Variants in CDH13 observed in about 807,000 individuals in gnomAD.
CDH13 encodes cadherin-13.
In CDH13, 24 loss-of-function variants were observed where a neutral mutation model predicts 63.8. The observed-to-expected ratio is 0.38, with a 90% CI of 0.27 to 0.53. The LOEUF (loss-of-function observed/expected upper bound fraction) is 0.53. Ranked by LOEUF, CDH13 falls within the 20% of genes least tolerant of loss-of-function variation. The pLI is 0.85. For missense variants in CDH13, 1,049 were observed against 903.1 expected (o/e 1.16, Z -2.07); for synonymous variants, 503 against 355.3 (o/e 1.42, Z -4.67).
At chr16:83,295,597 A>G (rs1424354661) in intron 5 of CDH13, among the ~76,000 whole-genome samples, 1 of 143,660 alleles carries the variant, frequency 7.0e-6, no homozygotes, top group Non-Finnish European at 1.6e-5. Context: ...CACTAATAAT[A>G]GAAATGCAAA....
At chr16:82,708,128 A>C (rs1229579285) in intron 1 of CDH13, among the ~76,000 whole-genome samples, 1 of 152,138 alleles carries the variant, frequency 6.6e-6, no homozygotes, top group African/African-American at 2.4e-5. Context: ...CATGGAGGCA[A>C]ACATCTGTCT....
chr16:83,714,121 C>G (rs1409344773), intron 10 of CDH13, among the ~76,000 whole-genome samples: 1 of 152,146 alleles, frequency 6.6e-6, no homozygotes, highest in Non-Finnish European at 1.5e-5. Context: ...ATCAGGTGGT[C>G]TTACAGGAAG....
chr16:83,200,093 A>T (rs367835197), intron 4 of CDH13, among the ~76,000 whole-genome samples: 2 of 152,126 alleles, frequency 1.3e-5, no homozygotes. Flanking sequence ...CACGGTGCTG[A>T]TACGCTTGTT....
At chr16:83,607,371 G>C (rs1164834036) in intron 8 of CDH13, among the ~76,000 whole-genome samples, 1 of 151,888 alleles carries the variant, frequency 6.6e-6, no homozygotes, top group Non-Finnish European at 1.5e-5. Context: ...AGTGAGCTGA[G>C]ATCACACCAG....
At chr16:83,041,969 C>T (rs1031370213) in intron 3 of CDH13, among the ~76,000 whole-genome samples, 3 of 152,142 alleles carry the variant, frequency 2.0e-5, no homozygotes, top group Non-Finnish European at 2.9e-5. Context: ...CATTTTTCCC[C>T]TCTTTCCTGA....
At chr16:83,648,919 C>G (rs2042374) in intron 8 of CDH13, among the ~76,000 whole-genome samples, 13,278 of 152,196 alleles carry the variant, frequency 0.087, 722 homozygotes, top group East Asian at 0.23. Context: ...TTTCTGCACT[C>G]TATCCCCAGC....
chr16:83,215,991 C>T (rs1280787733), intron 4 of CDH13, among the ~76,000 whole-genome samples: 1 of 150,818 alleles, frequency 6.6e-6, no homozygotes, highest in Non-Finnish European at 1.5e-5. Flanking sequence ...AAGACCACCC[C>T]CCATACTTTG....
chr16:82,999,820 C>T (rs1182808842), intron 2 of CDH13, among the ~76,000 whole-genome samples: 1 of 152,176 alleles, frequency 6.6e-6, no homozygotes, highest in Non-Finnish European at 1.5e-5. Flanking sequence ...GCTAATGACG[C>T]TGCCTCTGCG....
In CDH13 at chr16:83,724,855, C is replaced by G. The variant is rs113169295; in HGVS notation, c.1539-23253C>G. On this transcript the variant is annotated intron_variant, in intron 10 of 13. Transcript: ENST00000567109. ...CCAGGAGCTGCTCCCTTGAGATGGC[C>G]TTTGGGTACAACTCTATATGGCTTC... Among the ~76,000 whole-genome samples, 1,494 of 152,258 alleles carry G rather than the reference C, an allele frequency of 9.8e-3. 27 individuals are homozygous for G. Among genetic ancestry groups the G allele is most frequent in the African/African-American group, 0.034 (1,417 of 41,546 alleles).
intron 10 of CDH13, among the ~76,000 whole-genome samples, chr16:83,685,566 T>C (rs1002437934): frequency 2.0e-5 from 3 of 152,212 alleles, no homozygotes; most frequent in African/African-American, 7.2e-5. Flanking sequence ...AGAAATAGTC[T>C]CTGTCTGCAG....
At chr16:83,229,153 G>A (rs2039932220) in intron 5 of CDH13, among the ~76,000 whole-genome samples, 1 of 152,166 alleles carries the variant, frequency 6.6e-6, no homozygotes, top group Admixed American at 6.5e-5. Flanking sequence ...CTCAGGAAGG[G>A]AGTGACATCC....
At chr16:82,682,338 A>T (rs953920722) in intron 1 of CDH13, among the ~76,000 whole-genome samples, 2 of 152,218 alleles carry the variant, frequency 1.3e-5, no homozygotes, top group Non-Finnish European at 2.9e-5. Context: ...TGGTTCTTCT[A>T]ATGCAGAATA....
At chr16:83,281,482 C>T (rs1040153161) in intron 5 of CDH13, among the ~76,000 whole-genome samples, 1 of 152,176 alleles carries the variant, frequency 6.6e-6, no homozygotes, top group Non-Finnish European at 1.5e-5. Context: ...CACTTCCTTG[C>T]CATTCATGTG....
rs77487660 is a variant in CDH13 at position 83,408,715 on chromosome 16, C to G, written c.781+63709C>G. Among the ~76,000 whole-genome samples, 4 of 152,314 alleles carry G rather than the reference C, an allele frequency of 2.6e-5. No individual in the cohort carries two copies. The East Asian group carries it at 5.8e-4, about 22-fold the overall frequency. On this transcript the variant is annotated intron_variant, in intron 6 of 13. Transcript: ENST00000567109. ...GAAGCATGAAGAATGTAGTAGTTGTCATTTGAAAAGGGCCTTGCTAAATGT... is the reference window on the plus strand; with the variant it reads ...GAAGCATGAAGAATGTAGTAGTTGTGATTTGAAAAGGGCCTTGCTAAATGT...
intron 1 of CDH13, among the ~76,000 whole-genome samples, chr16:82,852,979 C>A (rs911770599): frequency 9.2e-5 from 14 of 152,192 alleles, no homozygotes; most frequent in African/African-American, 2.9e-4. Context: ...TAAAAAAAAA[C>A]CCTTTCTTTT....
chr16:83,216,417 T>TATATATATATATATATATATATATAA (rs2039520126), intron 4 of CDH13, among the ~76,000 whole-genome samples: 1 of 92,558 alleles, frequency 1.1e-5, no homozygotes, highest in Non-Finnish European at 2.2e-5. Context: ...TATATATATA[T>TATATATATATATATATATATATATAA]ATATATATAT....
chr16:83,249,462 G>A (rs77889049), intron 5 of CDH13, among the ~76,000 whole-genome samples: 140 of 152,204 alleles, frequency 9.2e-4, no homozygotes, highest in African/African-American at 3.3e-3. Flanking sequence ...TGCAGTTATC[G>A]ATGATATTAA....
intron 1 of CDH13, among the ~76,000 whole-genome samples, chr16:82,628,392 G>C (rs1490737403): frequency 6.6e-6 from 1 of 152,140 alleles, no homozygotes; most frequent in Non-Finnish European, 1.5e-5. Context: ...GGGGAAGGGA[G>C]TTGGGTTCCC....
chr16:83,489,285 T>A (rs2073958633), intron 7 of CDH13, among the ~76,000 whole-genome samples: 1 of 152,234 alleles, frequency 6.6e-6, no homozygotes, highest in Non-Finnish European at 1.5e-5. Flanking sequence ...TTGTAATAAG[T>A]ATGTAATTAT....
Sources: gnomAD v4.1 joint callset for allele counts (sites outside exome capture counted in the v4.1 genomes callset) on GRCh38, gnomAD v4.1.1 for gene constraint, MANE v1.5 for transcripts, NCBI Gene and HGNC (gene_info 2026-07-23, HGNC 2026-07-21) for gene names.